Variants in ABHD3 observed in about 807,000 individuals in gnomAD.
ABHD3 encodes abhydrolase domain containing 3, phospholipase.
A neutral mutation model predicts 48.8 loss-of-function variants in ABHD3; 46 were observed. That is an observed-to-expected ratio of 0.94 (90% CI 0.74 to 1.20). The LOEUF (loss-of-function observed/expected upper bound fraction) is 1.20. Among genes scored for constraint, ABHD3 ranks in the 50% most tolerant of loss-of-function variants. The pLI is 0.00. For missense variants in ABHD3, 490 were observed against 497.8 expected, an observed-to-expected ratio of 0.98 and a Z score of 0.15; for synonymous variants, 192 against 183.7, an observed-to-expected ratio of 1.04 and a Z score of -0.36.
intron 4 of ABHD3, among the ~76,000 whole-genome samples, chr18:21,670,548 C>T (rs762087864): frequency 1.7e-4 from 26 of 152,154 alleles, no homozygotes; most frequent in Non-Finnish European, 3.4e-4. Flanking sequence ...AATATGACGC[C>T]GAGCAATCCT....
At chr18:21,703,002 G>A (rs1343081714) in intron 2 of ABHD3, among the ~76,000 whole-genome samples, 1 of 152,064 alleles carries the variant, frequency 6.6e-6, no homozygotes, top group African/African-American at 2.4e-5. Context: ...AACAAACAGT[G>A]CAAGTTCCAG....
chr18:21,684,112 T>C (rs2040072783), intron 3 of ABHD3, 147 bp from the exon 4 acceptor site: 1 of 611,656 alleles, frequency 1.6e-6, no homozygotes, highest in Non-Finnish European at 2.7e-6. Flanking sequence ...CAATTTCATC[T>C]AAATGCAATG....
chr18:21,651,812 A>G, intron 8 of ABHD3, 49 bp from the exon 9 acceptor site: 1 of 1,461,474 alleles, frequency 6.8e-7, no homozygotes. Context: ...GGAGAGAGAA[A>G]AATATAATCA....
intron 3 of ABHD3, among the ~76,000 whole-genome samples, chr18:21,684,779 G>A (rs2040094055): frequency 6.6e-6 from 1 of 152,180 alleles, no homozygotes; most frequent in South Asian, 2.1e-4. Flanking sequence ...AAACATCACA[G>A]GTGAGCCACA....
intron 1 of ABHD3, 123 bp downstream of exon 1, chr18:21,704,381 C>G (rs1012525091): frequency 7.5e-6 from 8 of 1,069,832 alleles, no homozygotes; most frequent in Non-Finnish European, 9.5e-6. Flanking sequence ...GGCTGCCGCT[C>G]GGGAGCAGCT....
At chr18:21,659,669 T>TG (rs1340464530) in intron 5 of ABHD3, among the ~76,000 whole-genome samples, 3 of 151,964 alleles carry the variant, frequency 2.0e-5, no homozygotes, top group Non-Finnish European at 2.9e-5. Context: ...AGTTTTTTTT[T>TG]TTTGTGTGTG....
intron 2 of ABHD3, 58 bp downstream of exon 2, chr18:21,703,526 C>A: frequency 6.4e-7 from 1 of 1,568,610 alleles, no homozygotes. Context: ...AATAAGCAAG[C>A]AAGCAAACAA....
At chr18:21,669,649 G>A (rs1278466174) in intron 4 of ABHD3, among the ~76,000 whole-genome samples, 1 of 152,124 alleles carries the variant, frequency 6.6e-6, no homozygotes, top group Non-Finnish European at 1.5e-5. Flanking sequence ...CAACATGCAC[G>A]AAGATTAACC....
At chr18:21,655,583 T>C (rs1273505942) in intron 8 of ABHD3, among the ~76,000 whole-genome samples, 1 of 152,188 alleles carries the variant, frequency 6.6e-6, no homozygotes, top group African/African-American at 2.4e-5. Flanking sequence ...CTCATGCCTA[T>C]AATGCCAGCA....
At chr18:21,687,180 G>T (rs2040146451) in intron 3 of ABHD3, among the ~76,000 whole-genome samples, 1 of 151,760 alleles carries the variant, frequency 6.6e-6, no homozygotes, top group East Asian at 1.9e-4. Flanking sequence ...GAAGTTCTGG[G>T]ATTACAGGTA....
intron 6 of ABHD3, among the ~76,000 whole-genome samples, 187 bp downstream of exon 6, chr18:21,658,983 C>T (rs901654560): frequency 3.9e-5 from 6 of 151,996 alleles, no homozygotes; most frequent in Non-Finnish European, 8.8e-5. Flanking sequence ...GGACTACAGG[C>T]ACACATCACC....
intron 4 of ABHD3, among the ~76,000 whole-genome samples, chr18:21,671,398 CA>C (rs1277936441): frequency 1.3e-5 from 2 of 152,102 alleles, no homozygotes; most frequent in African/African-American, 4.8e-5. Context: ...GAATACACAG[CA>C]AAGACATTTA....
chr18:21,655,785 G>A (rs555823610), intron 8 of ABHD3, among the ~76,000 whole-genome samples: 3 of 150,398 alleles, frequency 2.0e-5, no homozygotes, highest in East Asian at 4.1e-4. Flanking sequence ...AGCCGAGATC[G>A]TGTCTTTGCA....
chr18:21,685,854 C>T (rs1174731230), intron 3 of ABHD3, among the ~76,000 whole-genome samples: 2 of 152,220 alleles, frequency 1.3e-5, no homozygotes, highest in Admixed American at 1.3e-4. Context: ...CGTGCCACCA[C>T]GCCCGGCTAA....
intron 5 of ABHD3, chr18:21,661,714 C>T (rs2039503076): frequency 6.6e-6 from 1 of 152,192 alleles, no homozygotes; most frequent in African/African-American, 2.4e-5. Flanking sequence ...CTCTTGTTGC[C>T]CAGGCTGGAG....
At chr18:21,694,688 T>C (rs1037002452) in intron 3 of ABHD3, among the ~76,000 whole-genome samples, 2 of 152,212 alleles carry the variant, frequency 1.3e-5, no homozygotes, top group Admixed American at 6.5e-5. Flanking sequence ...GTTTCTCTCC[T>C]TTCTCTGTCA....
chr18:21,667,127 G>A (rs1217821684), intron 4 of ABHD3, among the ~76,000 whole-genome samples: 1 of 149,564 alleles, frequency 6.7e-6, no homozygotes, highest in Non-Finnish European at 1.5e-5. Flanking sequence ...AGGCTGGAGT[G>A]CAGTGGTGCG....
chr18:21,684,565 C>T (rs571520440), intron 3 of ABHD3, among the ~76,000 whole-genome samples: 220 of 152,116 alleles, frequency 1.4e-3, no homozygotes, highest in African/African-American at 5.1e-3. Context: ...TCAGGTGATA[C>T]GCCCACCTCG....
chr18:21,665,663 A>C (rs1204345954), intron 4 of ABHD3, among the ~76,000 whole-genome samples: 1 of 151,978 alleles, frequency 6.6e-6, no homozygotes, highest in Admixed American at 6.6e-5. Flanking sequence ...AATACAAAAA[A>C]TTAGCCAGGT....
Sources: gnomAD v4.1 joint callset for allele counts (sites outside exome capture counted in the v4.1 genomes callset) on GRCh38, gnomAD v4.1.1 for gene constraint, MANE v1.5 for transcripts, NCBI Gene and HGNC (gene_info 2026-07-23, HGNC 2026-07-21) for gene names.